Variants in ANTXR1 observed in about 807,000 individuals in gnomAD.
ANTXR1 encodes ANTXR cell adhesion molecule 1, also known as anthrax toxin receptor 1.
In ANTXR1, 19 loss-of-function variants were observed where a neutral mutation model predicts 78.1. That is an observed-to-expected ratio of 0.24 (90% CI 0.17 to 0.36). ANTXR1 has a LOEUF of 0.36. ANTXR1 is among the 10% of genes least tolerant of loss of function. ANTXR1 has a pLI of 1.00. For synonymous variants in ANTXR1, 273 were observed against 260.5 expected, an observed-to-expected ratio of 1.05 and a Z score of -0.46; for missense variants, 518 against 718.6, an observed-to-expected ratio of 0.72 and a Z score of 3.19.
intron 3 of ANTXR1, among the ~76,000 whole-genome samples, chr2:69,046,638 C>T (rs1389039345): frequency 6.6e-6 from 1 of 152,158 alleles, no homozygotes; most frequent in East Asian, 1.9e-4. Flanking sequence ...GGACACACCC[C>T]CAACCTCATC....
chr2:69,123,841 C>G (rs768169556), intron 11 of ANTXR1, among the ~76,000 whole-genome samples: 1 of 152,124 alleles, frequency 6.6e-6, no homozygotes, highest in South Asian at 2.1e-4. Context: ...TCTCCAAAAC[C>G]GTGTCTATAA....
At chr2:69,090,761 C>T in intron 8 of ANTXR1, 98 bp from the exon 9 acceptor site, 1 of 1,247,872 alleles carries the variant, frequency 8.0e-7, no homozygotes, top group Non-Finnish European at 1.2e-6. Flanking sequence ...TGTCCTTGAA[C>T]CTTCCTATCT....
chr2:69,177,971 A>G (rs912538432), intron 14 of ANTXR1, among the ~76,000 whole-genome samples: 1 of 152,162 alleles, frequency 6.6e-6, no homozygotes, highest in Non-Finnish European at 1.5e-5. Context: ...ACCATAGAGG[A>G]CAGCAAGGTT....
intron 12 of ANTXR1, among the ~76,000 whole-genome samples, chr2:69,142,116 T>A (rs1338005986): frequency 6.6e-6 from 1 of 152,126 alleles, no homozygotes; most frequent in African/African-American, 2.4e-5. Context: ...TAAGTAGAAG[T>A]TTAGGATTTG....
intron 6 of ANTXR1, 82 bp from the exon 7 acceptor site, chr2:69,075,508 C>T: frequency 7.6e-7 from 1 of 1,320,586 alleles, no homozygotes; most frequent in Non-Finnish European, 1.1e-6. Flanking sequence ...AATACCTCAT[C>T]ATTGAAGTTA....
At chr2:69,139,978 A>C (rs1020721850) in intron 12 of ANTXR1, among the ~76,000 whole-genome samples, 1 of 152,236 alleles carries the variant, frequency 6.6e-6, no homozygotes, top group African/African-American at 2.4e-5. Context: ...AAGTACTCCA[A>C]GTACTAACAA....
In ANTXR1 at chr2:69,163,765, G is replaced by T. The variant is rs190216226; in HGVS notation, c.1048-6483G>T. Among the ~76,000 whole-genome samples the T allele has an allele frequency of 2.2e-3, 334 of 152,290 alleles. 1 individual carries two copies. The highest frequency in any genetic ancestry group is 3.8e-3 in the Non-Finnish European group (257 of 68,014). On this transcript the variant is annotated intron_variant, in intron 13 of 17. Coordinates refer to ENST00000303714, the MANE Select transcript of ANTXR1 (RefSeq NM_032208.3). ...AGCAAATGAGGTATGCCTGGTTTCT[G>T]CATATTCCTCCCCAGGTCACTACTG...
intron 12 of ANTXR1, chr2:69,145,589 C>T (rs1673200423): frequency 6.6e-6 from 9 of 1,364,038 alleles, no homozygotes; most frequent in South Asian, 3.9e-5. Flanking sequence ...CAAGACCTTA[C>T]TGGAGGCACT....
intron 3 of ANTXR1, among the ~76,000 whole-genome samples, chr2:69,067,793 G>T (rs1670445294): frequency 6.6e-6 from 1 of 152,172 alleles, no homozygotes; most frequent in South Asian, 2.1e-4. Context: ...CCCCTGCCTG[G>T]GGATTGCTGG....
intron 14 of ANTXR1, among the ~76,000 whole-genome samples, chr2:69,173,798 C>G (rs1431097246): frequency 6.6e-6 from 1 of 152,160 alleles, no homozygotes; most frequent in Non-Finnish European, 1.5e-5. Context: ...CCAAGCAGCT[C>G]CATGTCTCAG....
intron 17 of ANTXR1, among the ~76,000 whole-genome samples, chr2:69,221,185 TAC>T (rs1210709393): frequency 1.3e-5 from 2 of 152,162 alleles, no homozygotes; most frequent in Non-Finnish European, 2.9e-5. Context: ...ACTCTCCAAT[TAC>T]AGAGGAGCAG....
chr2:69,149,184 G>A (rs1673320407), intron 12 of ANTXR1, among the ~76,000 whole-genome samples: 1 of 152,114 alleles, frequency 6.6e-6, no homozygotes, highest in Non-Finnish European at 1.5e-5. Flanking sequence ...GTCTGCCCCT[G>A]TGCATTTCCA....
At chr2:69,136,968 G>T (rs1041441703) in intron 12 of ANTXR1, among the ~76,000 whole-genome samples, 1 of 152,144 alleles carries the variant, frequency 6.6e-6, no homozygotes, top group Non-Finnish European at 1.5e-5. Flanking sequence ...CATTGATCAA[G>T]AGAACCAAGA....
chr2:69,127,693 G>T (rs1198209748), intron 12 of ANTXR1, among the ~76,000 whole-genome samples: 1 of 152,136 alleles, frequency 6.6e-6, no homozygotes, highest in African/African-American at 2.4e-5. Context: ...GAGAGAAGTT[G>T]TCAGAGTTGG....
chr2:69,153,949 G>A (rs1466177768), intron 13 of ANTXR1, among the ~76,000 whole-genome samples: 3 of 152,122 alleles, frequency 2.0e-5, no homozygotes, highest in South Asian at 2.1e-4. Flanking sequence ...CCACCTCATC[G>A]TTAGATGGTG....
At chr2:69,117,429 A>G (rs1006186079) in intron 10 of ANTXR1, among the ~76,000 whole-genome samples, 4 of 152,230 alleles carry the variant, frequency 2.6e-5, no homozygotes, top group Non-Finnish European at 4.4e-5. Context: ...GATCGTGGGT[A>G]TATGATGTTA....
At chr2:69,107,603 G>A (rs936606700) in intron 10 of ANTXR1, among the ~76,000 whole-genome samples, 1 of 151,822 alleles carries the variant, frequency 6.6e-6, no homozygotes, top group Non-Finnish European at 1.5e-5. Flanking sequence ...AAAAAAACTG[G>A]ACAAAGGCAC....
At chr2:69,155,956 A>G (rs1029747387) in intron 13 of ANTXR1, among the ~76,000 whole-genome samples, 7 of 152,078 alleles carry the variant, frequency 4.6e-5, no homozygotes, top group Non-Finnish European at 1.0e-4. Flanking sequence ...TCATGACTCC[A>G]TGTTGACACT....
intron 14 of ANTXR1, among the ~76,000 whole-genome samples, chr2:69,175,280 G>A (rs1356794368): frequency 6.6e-6 from 1 of 151,994 alleles, no homozygotes. Flanking sequence ...TCTCTTTCAT[G>A]CTCCCATGTC....
Sources: gnomAD v4.1 joint callset for allele counts (sites outside exome capture counted in the v4.1 genomes callset) on GRCh38, gnomAD v4.1.1 for gene constraint, MANE v1.5 for transcripts, NCBI Gene and HGNC (gene_info 2026-07-23, HGNC 2026-07-21) for gene names.